NRG3: variants seen among roughly 807,000 people sequenced by gnomAD.
The protein encoded by NRG3 is pro-neuregulin-3, membrane-bound isoform.
Under a neutral mutation model 66.9 loss-of-function variants are expected in NRG3, and 31 were observed. That is an observed-to-expected ratio of 0.46 (90% confidence interval 0.35 to 0.63). NRG3 has a LOEUF of 0.63. NRG3 is among the 20% of genes least tolerant of loss of function. The probability of loss-of-function intolerance (pLI) is 0.00; values close to 1 mark genes in which losing one functional copy is unlikely to be tolerated. For missense variants in NRG3, 910 were observed against 878.9 expected (o/e 1.04, Z -0.45); for synonymous variants, 393 against 359.4 (o/e 1.09, Z -1.06).
chr10:82,686,778 C>G (rs1400936385), intron 2 of NRG3, among the ~76,000 whole-genome samples: 1 of 152,150 alleles, frequency 6.6e-6, no homozygotes, highest in African/African-American at 2.4e-5. Context: ...GACTTATTTC[C>G]TTTTCCTCAA....
At chr10:82,927,043 C>A (rs1198558605) in intron 4 of NRG3, among the ~76,000 whole-genome samples, 3 of 152,172 alleles carry the variant, frequency 2.0e-5, no homozygotes, top group Non-Finnish European at 4.4e-5. Context: ...TTGAGCAGAG[C>A]TTTTCCACCT....
intron 1 of NRG3, among the ~76,000 whole-genome samples, chr10:82,357,327 A>G (rs1235913724): frequency 2.6e-5 from 4 of 152,198 alleles, no homozygotes; most frequent in Admixed American, 6.5e-5. Context: ...TGTGGGAGAG[A>G]CAGGGGTGAG....
At chr10:82,480,258 ATATCT>A (rs1842158034) in intron 2 of NRG3, among the ~76,000 whole-genome samples, 1 of 152,182 alleles carries the variant, frequency 6.6e-6, no homozygotes, top group African/African-American at 2.4e-5. Flanking sequence ...GCAGTGGGAA[ATATCT>A]TAACATTAGA....
At chr10:82,553,037 A>G (rs1042861744) in intron 2 of NRG3, among the ~76,000 whole-genome samples, 4 of 136,862 alleles carry the variant, frequency 2.9e-5, no homozygotes, top group Non-Finnish European at 6.2e-5. Context: ...ACACACAAAC[A>G]CACACACACA....
chr10:82,908,318 A>G (rs1304650918), intron 4 of NRG3, among the ~76,000 whole-genome samples: 1 of 152,162 alleles, frequency 6.6e-6, no homozygotes, highest in African/African-American at 2.4e-5. Context: ...GTCCACAAGT[A>G]TGTCTTTATG....
chr10:82,984,655 C>A, intron 8 of NRG3: 1 of 888,730 alleles, frequency 1.1e-6, no homozygotes, highest in Non-Finnish European at 1.7e-6. Flanking sequence ...AACAAGTCTA[C>A]TGGACTAACC....
chr10:82,436,875 C>T (rs983691012), intron 2 of NRG3, among the ~76,000 whole-genome samples: 1 of 152,186 alleles, frequency 6.6e-6, no homozygotes, highest in Admixed American at 6.5e-5. Context: ...CCAATCTCTT[C>T]TGGCTTATAG....
At chr10:82,399,624 G>A (rs2086945141) in intron 2 of NRG3, among the ~76,000 whole-genome samples, 1 of 152,158 alleles carries the variant, frequency 6.6e-6, no homozygotes, top group African/African-American at 2.4e-5. Context: ...AAAGATAAAT[G>A]TCTAAATCCC....
intron 1 of NRG3, among the ~76,000 whole-genome samples, chr10:82,135,086 A>G (rs2069229103): frequency 1.3e-5 from 2 of 151,388 alleles, no homozygotes; most frequent in African/African-American, 4.8e-5. Context: ...AGATCACACA[A>G]CTGCACTCCA....
chr10:82,433,723 G>A (rs972967094), intron 2 of NRG3, among the ~76,000 whole-genome samples: 30 of 151,974 alleles, frequency 2.0e-4, no homozygotes, highest in African/African-American at 6.8e-4. Flanking sequence ...CCCCATTGCT[G>A]GTTTTTGTCA....
intron 1 of NRG3, among the ~76,000 whole-genome samples, chr10:82,237,716 TA>T (rs1279198236): frequency 2.6e-5 from 4 of 152,180 alleles, no homozygotes; most frequent in Non-Finnish European, 4.4e-5. Flanking sequence ...TTCTGGCCTG[TA>T]AATAGAAATG....
chr10:82,135,170 T>C (rs2069239108), intron 1 of NRG3, among the ~76,000 whole-genome samples: 1 of 152,082 alleles, frequency 6.6e-6, no homozygotes, highest in South Asian at 2.1e-4. Context: ...TTAATATCTT[T>C]CCTGGATTAT....
intron 3 of NRG3, among the ~76,000 whole-genome samples, chr10:82,854,099 G>A (rs1480215339): frequency 1.3e-5 from 2 of 152,218 alleles, no homozygotes; most frequent in Non-Finnish European, 2.9e-5. Context: ...AAAGGCACTA[G>A]AGGCGGAAGA....
chr10:82,373,839 A>C (rs2085045922), intron 2 of NRG3, among the ~76,000 whole-genome samples: 1 of 152,190 alleles, frequency 6.6e-6, no homozygotes, highest in Admixed American at 6.5e-5. Context: ...TGCCTGGGTT[A>C]GCATATGTGA....
At chr10:82,090,382 T>C (rs2065957120) in intron 1 of NRG3, among the ~76,000 whole-genome samples, 1 of 152,246 alleles carries the variant, frequency 6.6e-6, no homozygotes, top group South Asian at 2.1e-4. Flanking sequence ...ATCTCTATCC[T>C]ACTATGTGCT....
intron 1 of NRG3, among the ~76,000 whole-genome samples, chr10:81,916,891 A>T (rs1845764452): frequency 6.6e-6 from 1 of 152,206 alleles, no homozygotes; most frequent in Admixed American, 6.5e-5. Flanking sequence ...AAATGTCATG[A>T]AATAGGCACT....
chr10:82,362,333 ATGTGTGTGTGTGTGTGTGTGTG>A (rs56996997), intron 2 of NRG3, among the ~76,000 whole-genome samples: 3 of 135,896 alleles, frequency 2.2e-5, no homozygotes, highest in South Asian at 2.4e-4. Flanking sequence ...GTATATATAT[ATGTGTGTGTGTGTGTGTGTGTG>A]TGTGTGTGTG....
rs141304478 is a variant in NRG3, at chr10:82,128,224, T to C, written c.824-230515T>C. ...TTAATAATGCACCATCACTTAAGAG[T>C]ATGTGCATAATGGCATTGCATTTAT... is the stretch of plus-strand genomic sequence containing the variant. On this transcript the variant is annotated intron_variant, in intron 1 of 8. Transcript: ENST00000372141. Among the ~76,000 whole-genome samples, 607 of 152,108 alleles carry C rather than the reference T, an allele frequency of 4.0e-3. 3 individuals carry two copies. Among genetic ancestry groups the C allele is most frequent in the African/African-American group, 0.014 (572 of 41,512 alleles).
intron 1 of NRG3, among the ~76,000 whole-genome samples, chr10:81,956,636 C>T (rs1395271723): frequency 6.6e-6 from 1 of 152,146 alleles, no homozygotes; most frequent in Non-Finnish European, 1.5e-5. Context: ...TGAACACCAT[C>T]ACCTCTTGCC....
Sources: allele counts gnomAD v4.1 joint callset (sites outside exome capture counted in the v4.1 genomes callset), GRCh38; gene constraint gnomAD v4.1.1; transcripts MANE v1.5; gene names NCBI Gene and HGNC (gene_info 2026-07-23, HGNC 2026-07-21).